DAAM1: variants seen among roughly 807,000 people sequenced by gnomAD.
DAAM1 encodes disheveled-associated activator of morphogenesis 1.
A neutral mutation model predicts 130.0 loss-of-function variants in DAAM1; 52 were observed. The observed-to-expected ratio is 0.40, with a 90% CI of 0.32 to 0.50. DAAM1 has a LOEUF of 0.50. DAAM1 is among the 20% of genes least tolerant of loss of function. DAAM1 has a pLI of 0.61. For missense variants in DAAM1, 1,134 were observed against 1,303.8 expected, an observed-to-expected ratio of 0.87 and a Z score of 2.01; for synonymous variants, 452 against 444.5, an observed-to-expected ratio of 1.02 and a Z score of -0.21.
intron 1 of DAAM1, among the ~76,000 whole-genome samples, chr14:59,191,365 G>A (rs758403318): frequency 4.6e-5 from 7 of 151,894 alleles, no homozygotes; most frequent in Non-Finnish European, 7.4e-5. Flanking sequence ...TGAGGGCAGT[G>A]TCTTTGTTTT....
chr14:59,284,196 C>T (rs541608164), intron 2 of DAAM1, among the ~76,000 whole-genome samples: 1 of 152,114 alleles, frequency 6.6e-6, no homozygotes, highest in East Asian at 1.9e-4. Context: ...AGGCTATAGC[C>T]AGAAGCCAAG....
rs192251683 is a variant in DAAM1 at position 59,370,440 on chromosome 14, G to C, written c.*1581G>C. On this transcript the variant is annotated 3_prime_UTR_variant, in exon 25 of 25. Coordinates refer to ENST00000360909, the MANE Select transcript of DAAM1 (RefSeq NM_001270520.2). ...TAATGGGGATATTAAGGGATGAATAGAATACCAATGTGTGCACTGTACAGG... is the reference window on the plus strand; with the variant it reads ...TAATGGGGATATTAAGGGATGAATACAATACCAATGTGTGCACTGTACAGG... The C allele has an allele frequency of 6.6e-6, 1 of 152,102 alleles. No homozygotes were observed. Among genetic ancestry groups the C allele is most frequent in the Admixed American group, 6.5e-5 (1 of 15,272 alleles). The allele number at this position is 152,102 out of a possible 1,614,324, so 9.4% of individuals were successfully genotyped here. A position where few individuals can be genotyped will look rare whatever the true frequency, so the allele number is the denominator to read the frequency against.
chr14:59,338,518 T>C (rs923234061), intron 15 of DAAM1: 1 of 1,317,242 alleles, frequency 7.6e-7, no homozygotes. Context: ...TTTGTTTTTT[T>C]ACATAGTGTA....
At chr14:59,335,256 G>A (rs1885582376) in intron 15 of DAAM1, among the ~76,000 whole-genome samples, 1 of 152,048 alleles carries the variant, frequency 6.6e-6, no homozygotes, top group South Asian at 2.1e-4. Flanking sequence ...AATATCAAAG[G>A]TGTGCAGAGC....
At chr14:59,207,843 C>G (rs1818948707) in intron 1 of DAAM1, among the ~76,000 whole-genome samples, 1 of 152,154 alleles carries the variant, frequency 6.6e-6, no homozygotes, top group Non-Finnish European at 1.5e-5. Flanking sequence ...TTGCCCACTT[C>G]TAAATCTTGG....
At chr14:59,235,167 T>A (rs1889252556) in intron 1 of DAAM1, among the ~76,000 whole-genome samples, 1 of 152,188 alleles carries the variant, frequency 6.6e-6, no homozygotes, top group African/African-American at 2.4e-5. Flanking sequence ...TAGGATGAGT[T>A]AGGGAGGAGT....
chr14:59,342,119 T>A (rs1460282823), intron 16 of DAAM1, among the ~76,000 whole-genome samples: 1 of 152,234 alleles, frequency 6.6e-6, no homozygotes, highest in South Asian at 2.1e-4. Context: ...AGAACTTGAA[T>A]GTATCTAAAC....
At chr14:59,337,528 G>A (rs917818212) in intron 15 of DAAM1, among the ~76,000 whole-genome samples, 3 of 152,202 alleles carry the variant, frequency 2.0e-5, no homozygotes, top group East Asian at 3.8e-4. Context: ...AAACTGGGGC[G>A]TGTTTTGCAC....
intron 3 of DAAM1, among the ~76,000 whole-genome samples, chr14:59,295,502 GA>G (rs1883921703): frequency 6.6e-6 from 1 of 152,162 alleles, no homozygotes; most frequent in Admixed American, 6.5e-5. Context: ...CCCACAAAAA[GA>G]AATTCGTCCA....
intron 12 of DAAM1, among the ~76,000 whole-genome samples, chr14:59,330,072 T>C (rs1441150111): frequency 6.6e-6 from 1 of 152,228 alleles, no homozygotes; most frequent in Non-Finnish European, 1.5e-5. Context: ...CAAACCTAAT[T>C]CATAAAAGCT....
chr14:59,254,667 C>T (rs981417199), intron 1 of DAAM1, among the ~76,000 whole-genome samples: 13 of 152,168 alleles, frequency 8.5e-5, no homozygotes. Flanking sequence ...ATGATCTAGA[C>T]GAGATGTCTT....
intron 1 of DAAM1, among the ~76,000 whole-genome samples, chr14:59,259,400 T>G (rs1456348463): frequency 1.3e-5 from 2 of 152,214 alleles, no homozygotes; most frequent in Non-Finnish European, 2.9e-5. Context: ...AGGCTGAATG[T>G]GGGCCGTAGG....
At chr14:59,209,452 C>T (rs1010986219) in intron 1 of DAAM1, among the ~76,000 whole-genome samples, 1 of 152,174 alleles carries the variant, frequency 6.6e-6, no homozygotes, top group African/African-American at 2.4e-5. Context: ...CCCCGACTTA[C>T]GATGGTTCCA....
chr14:59,227,770 G>T (rs890096144), intron 1 of DAAM1, among the ~76,000 whole-genome samples: 6 of 152,174 alleles, frequency 3.9e-5, no homozygotes, highest in African/African-American at 1.4e-4. Flanking sequence ...TTCCATCAGT[G>T]CTGGGCACAC....
At chr14:59,340,227 A>G (rs753334332) in intron 16 of DAAM1, 47 bp downstream of exon 16, 3 of 1,567,008 alleles carry the variant, frequency 1.9e-6, no homozygotes, top group Non-Finnish European at 2.6e-6. Flanking sequence ...CAACATTTCC[A>G]TTCTGTGGCT....
intron 16 of DAAM1, among the ~76,000 whole-genome samples, chr14:59,345,243 G>T (rs779661915): frequency 2.0e-5 from 3 of 152,144 alleles, no homozygotes; most frequent in Non-Finnish European, 4.4e-5. Flanking sequence ...TTTCTAACGC[G>T]ATATTCTGGG....
Position 59,325,828 on chromosome 14 carries a change from TA to T in DAAM1, c.1056+102del. ...AGTCCACATGGACTTTAGGGCAACC[TA>T]AAAGCAAACTCAAAGCTCTATTTTG... On this transcript the variant is annotated intron_variant, in intron 9 of 24. Coordinates refer to ENST00000360909, the MANE Select transcript of DAAM1 (RefSeq NM_001270520.2). 10 of 1,538,502 alleles carry T rather than the reference TA, an allele frequency of 6.5e-6. No individual in the cohort carries two copies. In the South Asian group the frequency reaches 8.0e-5, roughly 12 times the overall value.
chr14:59,340,078 A>C lies in DAAM1; in HGVS notation c.1973A>C (p.Glu658Ala). ...TFSAYQRQQK[E>A]ADAIDDTLSS... ...TTTCTTTCATGCTCTTTACAGAAAG[A>C]AGCAGATGCCATTGATGACACTCTG... The change falls in exon 16 of 25, where the codon GAA becomes GCA. Residue 658 changes from glutamate to alanine, a missense_variant. Physicochemically the swap from Glu to Ala is moderately radical, Grantham distance 107. Transcript: ENST00000360909. The C allele has an allele frequency of 1.2e-6, 2 of 1,613,246 alleles. No homozygotes were observed. Among genetic ancestry groups the C allele is most frequent in the Non-Finnish European group, 1.7e-6 (2 of 1,179,452 alleles).
chr14:59,301,974 A>G (rs1374307104), intron 3 of DAAM1, among the ~76,000 whole-genome samples: 1 of 152,234 alleles, frequency 6.6e-6, no homozygotes, highest in Non-Finnish European at 1.5e-5. Context: ...TGAGTATCCC[A>G]TATCTGAAAC....
Sources: allele counts gnomAD v4.1 joint callset (sites outside exome capture counted in the v4.1 genomes callset), GRCh38; gene constraint gnomAD v4.1.1; transcripts MANE v1.5; gene names NCBI Gene and HGNC (gene_info 2026-07-23, HGNC 2026-07-21).